The following CDC40 variants were observed in gnomAD, a reference collection of about 807,000 sequenced individuals.
The protein encoded by CDC40 is pre-mRNA-processing factor 17.
CDC40 carries 27 observed loss-of-function variants against 80.6 expected under a neutral mutation model. The observed-to-expected ratio is 0.33, with a 90% CI of 0.25 to 0.46. The LOEUF is 0.46. Among genes scored for constraint, CDC40 ranks in the 20% least tolerant of loss-of-function variants. The pLI is 1.00. For synonymous variants in CDC40, 221 were observed against 232.6 expected, an observed-to-expected ratio of 0.95 and a Z score of 0.45; for missense variants, 486 against 694.1, an observed-to-expected ratio of 0.70 and a Z score of 3.37.
intron 13 of CDC40, among the ~76,000 whole-genome samples, chr6:110,227,073 G>C (rs964797495): frequency 2.0e-5 from 3 of 152,084 alleles, no homozygotes; most frequent in Admixed American, 6.6e-5. Flanking sequence ...GTTTTGGTCT[G>C]ATTCTCCATA....
chr6:110,183,593 G>A (rs1777227895), intron 1 of CDC40, among the ~76,000 whole-genome samples: 1 of 152,172 alleles, frequency 6.6e-6, no homozygotes. Flanking sequence ...ACCAACACTT[G>A]TTTATATGAA....
intron 10 of CDC40, 117 bp from the exon 11 acceptor site, chr6:110,219,247 A>G (rs371339736): frequency 1.6e-5 from 8 of 511,800 alleles, no homozygotes; most frequent in Middle Eastern, 4.9e-4. Context: ...AGTAAAGAGC[A>G]AGCAGGCAGC....
chr6:110,185,184 G>GTTTCTGTCACTTC (rs1777248524), intron 1 of CDC40, among the ~76,000 whole-genome samples: 2 of 149,744 alleles, frequency 1.3e-5, no homozygotes, highest in South Asian at 4.3e-4. Flanking sequence ...GCCCCATGTA[G>GTTTCTGTCACTTC]TTTCTGTCAC....
chr6:110,200,231 A>G (rs1280517216), intron 2 of CDC40, among the ~76,000 whole-genome samples: 1 of 152,232 alleles, frequency 6.6e-6, no homozygotes, highest in Non-Finnish European at 1.5e-5. Context: ...TTTCTTCTAA[A>G]GCAGAAAAAA....
chr6:110,206,742 T>A (rs1777567354), intron 3 of CDC40, among the ~76,000 whole-genome samples: 2 of 152,244 alleles, frequency 1.3e-5, no homozygotes, highest in Non-Finnish European at 2.9e-5. Context: ...TCTTACCCTT[T>A]TTTATTTAAT....
chr6:110,223,440 A>G (rs1777804095), intron 12 of CDC40, among the ~76,000 whole-genome samples: 2 of 151,952 alleles, frequency 1.3e-5, no homozygotes, highest in South Asian at 4.2e-4. Context: ...AATAAATGTG[A>G]GGGTCTGTCC....
intron 3 of CDC40, among the ~76,000 whole-genome samples, chr6:110,203,821 T>C (rs1374826275): frequency 6.6e-6 from 1 of 152,192 alleles, no homozygotes; most frequent in East Asian, 1.9e-4. Flanking sequence ...TTTGTCCTGT[T>C]TTCTGCCTGC....
chr6:110,214,206 A>AGG (rs1777672633), intron 8 of CDC40, among the ~76,000 whole-genome samples: 1 of 152,202 alleles, frequency 6.6e-6, no homozygotes, highest in South Asian at 2.1e-4. Flanking sequence ...TTTACTTTGT[A>AGG]CAAACCATGT....
intron 12 of CDC40, among the ~76,000 whole-genome samples, chr6:110,222,249 C>T (rs1777787211): frequency 6.6e-6 from 1 of 151,572 alleles, no homozygotes; most frequent in African/African-American, 2.4e-5. Flanking sequence ...AGCAAGACCC[C>T]ATCTTAATAA....
intron 5 of CDC40, 158 bp downstream of exon 5, chr6:110,209,381 T>G (rs1181839173): frequency 5.5e-6 from 3 of 544,424 alleles, no homozygotes; most frequent in Non-Finnish European, 9.7e-6. Context: ...AATTTATTTG[T>G]TTTTCTTTGG....
At chr6:110,220,443 C>CTTTTT (rs57659156) in intron 12 of CDC40, among the ~76,000 whole-genome samples, 4 of 60,770 alleles carry the variant, frequency 6.6e-5, no homozygotes, top group Non-Finnish European at 9.5e-5. Context: ...GAGAAAGGCA[C>CTTTTT]TTTTTTTTTT....
In CDC40 at chr6:110,219,852, C is replaced by T. The variant is rs1330615947; in HGVS notation, c.1323C>T (p.Ser441=). Residue 441 remains serine (S), a synonymous_variant, in exon 12 of 15, where the codon AGC becomes AGT. Coordinates refer to ENST00000307731, the MANE Select transcript of CDC40 (RefSeq NM_015891.3). ...TTGTGAGCACATCTGATGATAAAAG[C>T]CTAAGAGTTTGGGAATGGTGAGTTT... ...RRFVSTSDDK[S]LRVWEWDIPV... 1 of 1,613,460 alleles carries T rather than the reference C, an allele frequency of 6.2e-7. No individual in the cohort carries two copies. Among genetic ancestry groups the T allele is most frequent in the East Asian group, 2.2e-5 (1 of 44,836 alleles).
At chr6:110,204,024 A>AT (rs563633385) in intron 3 of CDC40, among the ~76,000 whole-genome samples, 3 of 151,890 alleles carry the variant, frequency 2.0e-5, no homozygotes, top group Admixed American at 1.3e-4. Context: ...TTTTTATTTT[A>AT]TTTTTTTTGA....
chr6:110,228,621 G>A (rs555691862), intron 13 of CDC40, among the ~76,000 whole-genome samples: 2 of 151,758 alleles, frequency 1.3e-5, no homozygotes, highest in African/African-American at 2.4e-5. Flanking sequence ...ATATAGGATC[G>A]TATATGCAAA....
At chr6:110,205,325 G>A (rs1438445808) in intron 3 of CDC40, among the ~76,000 whole-genome samples, 2 of 152,186 alleles carry the variant, frequency 1.3e-5, no homozygotes, top group African/African-American at 4.8e-5. Flanking sequence ...AAGAAATGTA[G>A]AAATATTCAC....
At chr6:110,210,836 G>GAAGGTTTTTCAT in intron 6 of CDC40, 33 bp downstream of exon 6, 1 of 1,195,090 alleles carries the variant, frequency 8.4e-7, no homozygotes, top group Non-Finnish European at 1.2e-6. Flanking sequence ...TCATTTTTAT[G>GAAGGTTTTTCAT]AAAAACCTTC....
At chr6:110,226,632 C>T (rs965379494) in intron 13 of CDC40, among the ~76,000 whole-genome samples, 14 of 150,530 alleles carry the variant, frequency 9.3e-5, no homozygotes, top group African/African-American at 3.4e-4. Flanking sequence ...AGGCTAGTCT[C>T]AAACTCCTGG....
chr6:110,212,852 A>G (rs1019602344), intron 7 of CDC40, among the ~76,000 whole-genome samples: 2 of 152,210 alleles, frequency 1.3e-5, no homozygotes, highest in African/African-American at 4.8e-5. Context: ...TGATTGACTC[A>G]GGATTCCATT....
intron 2 of CDC40, among the ~76,000 whole-genome samples, chr6:110,197,913 C>G (rs375764471): frequency 6.6e-5 from 10 of 152,238 alleles, no homozygotes; most frequent in East Asian, 3.9e-4. Flanking sequence ...CATATACCCA[C>G]TTGTAAAATT....
Sources: gnomAD v4.1 joint callset for allele counts (sites outside exome capture counted in the v4.1 genomes callset) on GRCh38, gnomAD v4.1.1 for gene constraint, MANE v1.5 for transcripts, NCBI Gene and HGNC (gene_info 2026-07-23, HGNC 2026-07-21) for gene names.